The following LRRC27 variants were observed in gnomAD, a reference collection of about 807,000 sequenced individuals.
The protein encoded by LRRC27 is leucine-rich repeat-containing protein 27.
A neutral mutation model predicts 55.0 loss-of-function variants in LRRC27; 57 were observed. That is an observed-to-expected ratio of 1.04 (90% CI 0.84 to 1.29). The LOEUF (loss-of-function observed/expected upper bound fraction) is 1.29. Ranked by LOEUF, LRRC27 falls within the 50% of genes most tolerant of loss-of-function variation. The probability of loss-of-function intolerance (pLI) is 0.00; values close to 1 mark genes in which losing one functional copy is unlikely to be tolerated. For synonymous variants in LRRC27, 278 were observed against 251.9 expected, an observed-to-expected ratio of 1.10 and a Z score of -0.98; for missense variants, 721 against 651.5, an observed-to-expected ratio of 1.11 and a Z score of -1.16.
chr10:132,336,229 A>ACAGGAC (rs2067124783), intron 2 of LRRC27, among the ~76,000 whole-genome samples: 1 of 152,166 alleles, frequency 6.6e-6, no homozygotes, highest in Non-Finnish European at 1.5e-5. Context: ...GGGGGGAAGA[A>ACAGGAC]CAGGACCAAG....
At chr10:132,368,255 G>C (rs114854558) in intron 10 of LRRC27, among the ~76,000 whole-genome samples, 2,003 of 152,296 alleles carry the variant, frequency 0.013, 49 homozygotes, top group African/African-American at 0.045. Context: ...TTGGTAGTCA[G>C]TTCTTCCCAA....
intron 9 of LRRC27, among the ~76,000 whole-genome samples, chr10:132,362,800 T>C (rs369834699): frequency 4.4e-5 from 5 of 114,298 alleles, no homozygotes; most frequent in African/African-American, 1.1e-4. Flanking sequence ...CACAGCTGCT[T>C]GGGGGTCCGG....
chr10:132,369,615 T>C (rs577953008), intron 10 of LRRC27, among the ~76,000 whole-genome samples: 1 of 152,272 alleles, frequency 6.6e-6, no homozygotes, highest in East Asian at 1.9e-4. Context: ...TTCATGATGC[T>C]GTATTGTTGG....
At chr10:132,365,378 G>C (rs1389935206) in intron 9 of LRRC27, 46 bp from the exon 10 acceptor site, 3 of 1,608,016 alleles carry the variant, frequency 1.9e-6, no homozygotes, top group Admixed American at 3.3e-5. Context: ...GCTAGGATGA[G>C]AGTAAATGTG....
intron 6 of LRRC27, among the ~76,000 whole-genome samples, chr10:132,349,518 C>G (rs1234389365): frequency 6.6e-6 from 1 of 152,232 alleles, no homozygotes; most frequent in Non-Finnish European, 1.5e-5. Flanking sequence ...TTAGTCCACA[C>G]AGTCGCACGG....
chr10:132,335,360 C>A (rs1010690600), intron 2 of LRRC27: 3 of 152,090 alleles, frequency 2.0e-5, no homozygotes, highest in African/African-American at 7.3e-5. Flanking sequence ...TCCCCCAGAT[C>A]CTCATAGGCT....
intron 5 of LRRC27, among the ~76,000 whole-genome samples, chr10:132,346,431 C>CT (rs2067692604): frequency 6.6e-6 from 1 of 152,190 alleles, no homozygotes; most frequent in African/African-American, 2.4e-5. Context: ...GATCCCAGCA[C>CT]TTTGGGAGGC....
chr10:132,351,519 A>G, intron 6 of LRRC27, 88 bp from the exon 7 acceptor site: 2 of 1,436,154 alleles, frequency 1.4e-6, no homozygotes, highest in Non-Finnish European at 1.9e-6. Context: ...GATGATCCAC[A>G]GGCCCTCCTT....
rs552382818 is a variant in LRRC27 at position 132,335,603 on chromosome 10, C to T, written c.210+1869C>T. On this transcript the variant is annotated intron_variant, in intron 2 of 10. Coordinates refer to ENST00000368614, the MANE Select transcript of LRRC27 (RefSeq NM_030626.3). ...GGGGGGTCACAGTCTTCCTGGATGT[C>T]GTCTATTGGTTGTTGGGTAGGGGCT... Among the ~76,000 whole-genome samples the T allele has an allele frequency of 1.3e-4, 17 of 126,508 alleles. No homozygotes were observed. In the South Asian group the frequency reaches 1.6e-3, roughly 12 times the overall value. The allele number at this position is 126,508 out of a possible 152,430, so 83.0% of individuals were successfully genotyped here. A position where few individuals can be genotyped will look rare whatever the true frequency, so the allele number is the denominator to read the frequency against.
rs1554900420 is a variant in LRRC27 at position 132,364,409 on chromosome 10, A to ACACCCACACTCACACC, written c.1290-1010_1290-1009insACACTCACACCCACCC. On this transcript the variant is annotated intron_variant, in intron 9 of 10. Coordinates refer to ENST00000368614, the MANE Select transcript of LRRC27 (RefSeq NM_030626.3). Reference sequence around the variant, plus strand: ...TACACCCACCCTTACATCTACCTCCACACCCGCGCTTACACCCACGCTTAC... The same window carrying ACACCCACACTCACACC: ...TACACCCACCCTTACATCTACCTCCACACCCACACTCACACCCACCCGCGCTTACACCCACGCTTAC... Among the ~76,000 whole-genome samples, 122 of 16,782 alleles carry ACACCCACACTCACACC rather than the reference A, an allele frequency of 7.3e-3. 17 individuals are homozygous for ACACCCACACTCACACC. Among genetic ancestry groups the ACACCCACACTCACACC allele is most frequent in the Admixed American group, 0.016 (16 of 994 alleles). The allele number at this position is 16,782 out of a possible 152,430, so 11.0% of individuals were successfully genotyped here. A position where few individuals can be genotyped will look rare whatever the true frequency, so the allele number is the denominator to read the frequency against.
chr10:132,352,379 C>T (rs1461178845), intron 7 of LRRC27, among the ~76,000 whole-genome samples: 1 of 100,044 alleles, frequency 1.0e-5, no homozygotes, highest in South Asian at 3.8e-4. Context: ...GTCTGCAGGG[C>T]GTTGCGTGCA....
At chr10:132,355,304 T>G (rs939133132) in intron 7 of LRRC27, among the ~76,000 whole-genome samples, 45 of 152,338 alleles carry the variant, frequency 3.0e-4, no homozygotes, top group Admixed American at 1.1e-3. Context: ...CTCGATCTCC[T>G]GACCTCGTGA....
chr10:132,354,092 C>T (rs763598083), intron 7 of LRRC27, among the ~76,000 whole-genome samples: 4 of 152,136 alleles, frequency 2.6e-5, no homozygotes, highest in Non-Finnish European at 5.9e-5. Context: ...TGAGACCTTC[C>T]GCAGGCACAG....
chr10:132,375,209 T>C lies in LRRC27; in HGVS notation c.1560T>C (p.Tyr520=). Residue 520 remains tyrosine, a synonymous_variant, in exon 11 of 11, where the codon TAT becomes TAC. Transcript: ENST00000368614. ...AAAATACATTTTTTAACACAAAATATGGAGAATCAGGAAATGTTCGCAGAT... is the reference window on the plus strand; with the variant it reads ...AAAATACATTTTTTAACACAAAATACGGAGAATCAGGAAATGTTCGCAGAT... ...QPQNTFFNTK[Y]GESGNVRRYQ 1.9e-6 allele frequency: 3 copies of C among 1,613,848 alleles called. No individual in the cohort carries two copies. The highest frequency in any genetic ancestry group is 2.5e-6 in the Non-Finnish European group (3 of 1,179,822).
chr10:132,363,783 C>T (rs555075379), intron 9 of LRRC27, among the ~76,000 whole-genome samples: 27 of 152,182 alleles, frequency 1.8e-4, no homozygotes, highest in South Asian at 1.0e-3. Context: ...CCCTGGATCC[C>T]GGCTGCGATG....
rs1340642668 is a variant in LRRC27, at chr10:132,375,829, C to G, written c.*587C>G. On this transcript the variant is annotated 3_prime_UTR_variant, in exon 11 of 11. Coordinates refer to ENST00000368614, the MANE Select transcript of LRRC27 (RefSeq NM_030626.3). Reference sequence around the variant, plus strand: ...GCCTTGACCCCTTCCTGGTTGCTACCACTCAGGCTGCCACTCAGTGGACTC... The same window carrying G: ...GCCTTGACCCCTTCCTGGTTGCTACGACTCAGGCTGCCACTCAGTGGACTC... 1.3e-5 allele frequency: 2 copies of G among 152,492 alleles called. No homozygotes were observed. Among genetic ancestry groups the G allele is most frequent in the African/African-American group, 4.8e-5 (2 of 41,472 alleles). 9.4% of individuals were successfully genotyped at this position (152,492 alleles called of 1,614,324 possible).
In LRRC27 at chr10:132,352,149, CGCTG is replaced by C. The variant is rs1564839860; in HGVS notation, c.1073+397_1073+400del. 7.4e-3 allele frequency among the ~76,000 whole-genome samples: 442 copies of C among 60,064 alleles called. 3 individuals carry two copies. The highest frequency in any genetic ancestry group is 0.022 in the African/African-American group (417 of 19,302). The allele number at this position is 60,064 out of a possible 152,430, so 39.4% of individuals were successfully genotyped here. Reference sequence around the variant, plus strand: ...CGCTGAGGCCTCCGTGTGGGGCAGGCGCTGAGGCCTCCGTGTGGGGCAGGCGCTG... The same window carrying C: ...CGCTGAGGCCTCCGTGTGGGGCAGGCAGGCCTCCGTGTGGGGCAGGCGCTG... On this transcript the variant is annotated intron_variant, in intron 7 of 10. Coordinates refer to ENST00000368614, the MANE Select transcript of LRRC27 (RefSeq NM_030626.3).
At chr10:132,343,998 T>A (rs1332532545) in intron 4 of LRRC27, among the ~76,000 whole-genome samples, 1 of 152,262 alleles carries the variant, frequency 6.6e-6, no homozygotes, top group East Asian at 1.9e-4. Context: ...GTGGAGTCCT[T>A]GTATTCTATT....
chr10:132,352,780 G>C, intron 7 of LRRC27: 1 of 1,297,880 alleles, frequency 7.7e-7, no homozygotes, highest in Non-Finnish European at 1.1e-6. Context: ...CAGGCCGGTT[G>C]CAGTGCTCGC....
Sources: gnomAD v4.1 joint callset for allele counts (sites outside exome capture counted in the v4.1 genomes callset) on GRCh38, gnomAD v4.1.1 for gene constraint, MANE v1.5 for transcripts, NCBI Gene and HGNC (gene_info 2026-07-23, HGNC 2026-07-21) for gene names.